Variants in CPNE4 observed in about 807,000 individuals in gnomAD.
CPNE4 encodes the protein copine-4.
Under a neutral mutation model 67.9 loss-of-function variants are expected in CPNE4, and 25 were observed. The ratio of observed to expected loss-of-function variants is 0.37; its 90% CI spans 0.27 to 0.51. The LOEUF is 0.51. Ranked by LOEUF, CPNE4 falls within the 20% of genes least tolerant of loss-of-function variation. CPNE4 has a pLI of 0.93. For synonymous variants in CPNE4, 242 were observed against 244.9 expected (o/e 0.99, Z 0.11); for missense variants, 464 against 690.8 (o/e 0.67, Z 3.68).
At chr3:131,775,191 C>T (rs959025488) in intron 2 of CPNE4, among the ~76,000 whole-genome samples, 2 of 152,014 alleles carry the variant, frequency 1.3e-5, no homozygotes, top group African/African-American at 2.4e-5. Context: ...GGCCCTGGGT[C>T]CTACAGAAGG....
At chr3:131,983,524 G>A (rs1204107655) in intron 1 of CPNE4, among the ~76,000 whole-genome samples, 1 of 152,082 alleles carries the variant, frequency 6.6e-6, no homozygotes, top group Non-Finnish European at 1.5e-5. Flanking sequence ...AAGTCTTCCA[G>A]TTAAGCATTT....
intron 2 of CPNE4, among the ~76,000 whole-genome samples, chr3:131,803,759 A>G (rs543813937): frequency 6.6e-6 from 1 of 152,342 alleles, no homozygotes; most frequent in African/African-American, 2.4e-5. Flanking sequence ...ATAAGGAACT[A>G]GTGACAATAT....
At chr3:131,936,333 A>G (rs1040008849) in intron 1 of CPNE4, among the ~76,000 whole-genome samples, 12 of 152,066 alleles carry the variant, frequency 7.9e-5, no homozygotes, top group African/African-American at 2.7e-4. Context: ...GTTTTACCTG[A>G]AGTGCAGAAG....
At chr3:131,680,579 GA>G (rs2080722448) in intron 6 of CPNE4, among the ~76,000 whole-genome samples, 1 of 152,036 alleles carries the variant, frequency 6.6e-6, no homozygotes, top group African/African-American at 2.4e-5. Flanking sequence ...TTCATAGAAA[GA>G]AAATAAATAG....
chr3:132,028,066 G>A (rs2074153830), intron 1 of CPNE4, among the ~76,000 whole-genome samples: 3 of 152,120 alleles, frequency 2.0e-5, no homozygotes, highest in South Asian at 2.1e-4. Context: ...TCATGATATT[G>A]ATGAAATTAC....
chr3:131,605,129 A>T (rs1939423722), intron 7 of CPNE4, among the ~76,000 whole-genome samples: 1 of 152,178 alleles, frequency 6.6e-6, no homozygotes, highest in Non-Finnish European at 1.5e-5. Flanking sequence ...GGATGAAGTT[A>T]GAATTTAAAT....
intron 2 of CPNE4, among the ~76,000 whole-genome samples, chr3:131,810,114 T>C (rs934304469): frequency 1.3e-5 from 2 of 151,830 alleles, no homozygotes; most frequent in Non-Finnish European, 2.9e-5. Context: ...CAAAAGAAAA[T>C]GTAGGGGAAA....
intron 2 of CPNE4, among the ~76,000 whole-genome samples, chr3:131,810,499 A>T (rs2084482274): frequency 6.6e-6 from 1 of 152,038 alleles, no homozygotes; most frequent in African/African-American, 2.4e-5. Context: ...ACCTGTTAGG[A>T]AGGCAATCAT....
chr3:132,004,955 C>T (rs6792952), intron 1 of CPNE4, among the ~76,000 whole-genome samples: 1 of 152,010 alleles, frequency 6.6e-6, no homozygotes, highest in African/African-American at 2.4e-5. Context: ...ATCCATTTTT[C>T]TCTCCTTCTG....
chr3:131,950,876 G>A (rs1309210556), intron 1 of CPNE4, among the ~76,000 whole-genome samples: 2 of 152,146 alleles, frequency 1.3e-5, no homozygotes, highest in South Asian at 2.1e-4. Context: ...CACATAAAAT[G>A]TCAACTTGTG....
At chr3:131,603,951 T>C (rs12107646) in intron 7 of CPNE4, among the ~76,000 whole-genome samples, 13,485 of 152,214 alleles carry the variant, frequency 0.089, 1,192 homozygotes, top group African/African-American at 0.23. Context: ...CCTTAAATTC[T>C]TGTCCTATTC....
intron 2 of CPNE4, among the ~76,000 whole-genome samples, chr3:131,790,775 G>A (rs2083695814): frequency 6.6e-6 from 1 of 152,040 alleles, no homozygotes. Context: ...CCACTGATTT[G>A]TATACACAAA....
chr3:131,786,300 T>C (rs751811721), intron 2 of CPNE4, among the ~76,000 whole-genome samples: 10 of 152,152 alleles, frequency 6.6e-5, no homozygotes, highest in African/African-American at 9.7e-5. Context: ...GACAGAGTTC[T>C]TTATATGTCA....
chr3:131,600,842 C>T (rs207463719), intron 7 of CPNE4, among the ~76,000 whole-genome samples: 1 of 152,200 alleles, frequency 6.6e-6, no homozygotes, highest in African/African-American at 2.4e-5. Flanking sequence ...CCATTTACCT[C>T]TATGTGCTCC....
chr3:131,552,289 C>T, intron 13 of CPNE4, 151 bp downstream of exon 13: 1 of 648,646 alleles, frequency 1.5e-6, no homozygotes, highest in Non-Finnish European at 2.7e-6. Context: ...CTTTCTCTTG[C>T]CTGTGGAGTA....
chr3:131,771,523 C>T (rs2083165450), intron 2 of CPNE4, among the ~76,000 whole-genome samples: 1 of 152,072 alleles, frequency 6.6e-6, no homozygotes, highest in Non-Finnish European at 1.5e-5. Context: ...CACCTCCCCT[C>T]TCCCCTCTTG....
intron 5 of CPNE4, among the ~76,000 whole-genome samples, chr3:131,688,723 T>A (rs1281418645): frequency 6.6e-6 from 1 of 152,018 alleles, no homozygotes; most frequent in Non-Finnish European, 1.5e-5. Context: ...ATCACTTTTA[T>A]TTAAAAATGA....
chr3:131,937,008 A>G (rs2071243652), intron 1 of CPNE4, among the ~76,000 whole-genome samples: 1 of 152,108 alleles, frequency 6.6e-6, no homozygotes, highest in African/African-American at 2.4e-5. Context: ...AAGTAATTAA[A>G]GATTAGAGAG....
chr3:131,945,854 T>C (rs1170201855), intron 1 of CPNE4, among the ~76,000 whole-genome samples: 2 of 152,190 alleles, frequency 1.3e-5, no homozygotes, highest in Non-Finnish European at 2.9e-5. Context: ...GAGAAAATGC[T>C]TTTGAAAGAT....
Sources: gnomAD v4.1 joint callset for allele counts (sites outside exome capture counted in the v4.1 genomes callset) on GRCh38, gnomAD v4.1.1 for gene constraint, MANE v1.5 for transcripts, NCBI Gene and HGNC (gene_info 2026-07-23, HGNC 2026-07-21) for gene names.